The following ERBB4 variants were observed in gnomAD, a reference collection of about 807,000 sequenced individuals.
ERBB4 encodes the protein erb-b2 receptor tyrosine kinase 4.
Under a neutral mutation model 158.0 loss-of-function variants are expected in ERBB4, and 42 were observed. The ratio of observed to expected loss-of-function variants is 0.27; its 90% CI spans 0.21 to 0.34. The LOEUF (loss-of-function observed/expected upper bound fraction) is 0.34. Among genes scored for constraint, ERBB4 ranks in the 10% least tolerant of loss-of-function variants. The pLI, the probability that ERBB4 is intolerant of heterozygous loss-of-function variation, is 1.00. For synonymous variants in ERBB4, 583 were observed against 558.7 expected, an observed-to-expected ratio of 1.04 and a Z score of -0.61; for missense variants, 1,333 against 1,624.1, an observed-to-expected ratio of 0.82 and a Z score of 3.08.
chr2:211,395,697 TATTA>T (rs943716720), intron 25 of ERBB4, among the ~76,000 whole-genome samples: 18 of 152,184 alleles, frequency 1.2e-4, no homozygotes, highest in Admixed American at 6.5e-4. Flanking sequence ...GCCATACACA[TATTA>T]ATTAACATAT....
intron 1 of ERBB4, among the ~76,000 whole-genome samples, chr2:212,166,471 T>G (rs988971431): frequency 2.0e-5 from 3 of 151,924 alleles, no homozygotes. Flanking sequence ...TCTATCCTCA[T>G]GGATAGGAAG....
rs1409589087 is a variant in ERBB4, at chr2:212,532,766, T to C, written c.82+5683A>G. Among the ~76,000 whole-genome samples, 5 of 152,306 alleles carry C rather than the reference T, an allele frequency of 3.3e-5. No individual in the cohort carries two copies. In the East Asian group the frequency reaches 9.7e-4, roughly 29 times the overall value. ...CAGCTAAGGCATGCACTATTCCTAT[T>C]AAAGTCTATGTGGCTGCTGCCCCCT... On this transcript the variant is annotated intron_variant, in intron 1 of 27. Coordinates refer to ENST00000342788, the MANE Select transcript of ERBB4 (RefSeq NM_005235.3).
At chr2:211,502,572 C>T (rs941732895) in intron 20 of ERBB4, among the ~76,000 whole-genome samples, 7 of 152,110 alleles carry the variant, frequency 4.6e-5, no homozygotes, top group East Asian at 1.9e-4. Context: ...GCTCATATCT[C>T]CCTCTATAAC....
intron 2 of ERBB4, among the ~76,000 whole-genome samples, chr2:212,061,794 G>A (rs1157585318): frequency 6.8e-6 from 1 of 148,114 alleles, no homozygotes; most frequent in Non-Finnish European, 1.5e-5. Flanking sequence ...GGAGTGTAAT[G>A]GTGTGATCTC....
At chr2:211,541,568 A>G (rs1009282726) in intron 20 of ERBB4, among the ~76,000 whole-genome samples, 2 of 151,964 alleles carry the variant, frequency 1.3e-5, no homozygotes, top group African/African-American at 2.4e-5. Flanking sequence ...CCTGGGGAAA[A>G]AGTCTTTATA....
intron 3 of ERBB4, among the ~76,000 whole-genome samples, chr2:211,943,333 G>T (rs2080558694): frequency 6.6e-6 from 1 of 151,968 alleles, no homozygotes; most frequent in Non-Finnish European, 1.5e-5. Context: ...AGGAATGTTT[G>T]GTTAAAAAAG....
intron 16 of ERBB4, among the ~76,000 whole-genome samples, chr2:211,656,864 A>G (rs2071236327): frequency 6.6e-6 from 1 of 152,212 alleles, no homozygotes; most frequent in Non-Finnish European, 1.5e-5. Context: ...GCCACAACTG[A>G]AGAACATTTG....
chr2:211,668,561 A>AGGATAGGCT (rs1360449202), intron 14 of ERBB4, among the ~76,000 whole-genome samples: 2 of 152,132 alleles, frequency 1.3e-5, no homozygotes, highest in East Asian at 3.9e-4. Context: ...AGACAACTAA[A>AGGATAGGCT]GGATAGGCTG....
At chr2:212,152,105 C>A (rs916560108) in intron 1 of ERBB4, among the ~76,000 whole-genome samples, 1 of 151,922 alleles carries the variant, frequency 6.6e-6, no homozygotes, top group Admixed American at 6.6e-5. Flanking sequence ...TCATAAGGCT[C>A]TATTGTTTTT....
At chr2:212,323,382 C>T (rs1370664953) in intron 1 of ERBB4, among the ~76,000 whole-genome samples, 1 of 150,406 alleles carries the variant, frequency 6.6e-6, no homozygotes, top group Non-Finnish European at 1.5e-5. Context: ...TTTAAGAATG[C>T]TGCTATATCT....
intron 3 of ERBB4, among the ~76,000 whole-genome samples, chr2:211,884,911 G>C (rs538861969): frequency 6.6e-4 from 100 of 152,116 alleles, no homozygotes; most frequent in African/African-American, 2.3e-3. Context: ...GTCAACAATA[G>C]TATTACTCTA....
At chr2:212,487,371 C>T (rs1351149872) in intron 1 of ERBB4, among the ~76,000 whole-genome samples, 1 of 151,876 alleles carries the variant, frequency 6.6e-6, no homozygotes, top group Non-Finnish European at 1.5e-5. Flanking sequence ...CATGGAAAAA[C>T]ACTATAAAAT....
intron 20 of ERBB4, among the ~76,000 whole-genome samples, chr2:211,496,099 T>C (rs1180835001): frequency 1.3e-5 from 2 of 152,120 alleles, no homozygotes; most frequent in Non-Finnish European, 2.9e-5. Context: ...CCTCCTACCT[T>C]TCAGACAGCT....
At chr2:211,596,213 C>T (rs2068625113) in intron 19 of ERBB4, among the ~76,000 whole-genome samples, 1 of 149,886 alleles carries the variant, frequency 6.7e-6, no homozygotes, top group Admixed American at 6.6e-5. Flanking sequence ...TTATAGACTT[C>T]ACAGCAAAAA....
chr2:212,477,009 C>T (rs1689438920), intron 1 of ERBB4, among the ~76,000 whole-genome samples: 1 of 152,090 alleles, frequency 6.6e-6, no homozygotes, highest in East Asian at 1.9e-4. Context: ...TCAGTTTCCT[C>T]ATCTATAAAA....
chr2:212,106,306 G>A (rs1171101505), intron 2 of ERBB4, among the ~76,000 whole-genome samples: 1 of 152,200 alleles, frequency 6.6e-6, no homozygotes, highest in Non-Finnish European at 1.5e-5. Flanking sequence ...TGAAGAACTT[G>A]TTGGGAAGTG....
At chr2:212,401,204 C>A (rs572642219) in intron 1 of ERBB4, among the ~76,000 whole-genome samples, 11 of 152,226 alleles carry the variant, frequency 7.2e-5, no homozygotes, top group African/African-American at 2.4e-4. Flanking sequence ...ACAGTTTTAC[C>A]ATTAGGCCAT....
At chr2:212,187,212 T>A (rs1266977311) in intron 1 of ERBB4, among the ~76,000 whole-genome samples, 1 of 152,014 alleles carries the variant, frequency 6.6e-6, no homozygotes, top group Non-Finnish European at 1.5e-5. Flanking sequence ...ATAAAACATT[T>A]GAGTACTATT....
intron 2 of ERBB4, among the ~76,000 whole-genome samples, chr2:212,123,547 C>T (rs1057164611): frequency 2.6e-5 from 4 of 152,122 alleles, no homozygotes; most frequent in African/African-American, 9.7e-5. Flanking sequence ...AATCTTTTGA[C>T]ACATAACTTA....
Sources: gnomAD v4.1 joint callset for allele counts (sites outside exome capture counted in the v4.1 genomes callset) on GRCh38, gnomAD v4.1.1 for gene constraint, MANE v1.5 for transcripts, NCBI Gene and HGNC (gene_info 2026-07-23, HGNC 2026-07-21) for gene names.